FBN2: variants seen among roughly 807,000 people sequenced by gnomAD.
FBN2 encodes fibrillin-2.
In FBN2, 105 loss-of-function variants were observed where a neutral mutation model predicts 355.6. That is an observed-to-expected ratio of 0.30 (90% CI 0.25 to 0.35). The LOEUF (loss-of-function observed/expected upper bound fraction) is 0.35. FBN2 is among the 10% of genes least tolerant of loss of function. The pLI, the probability that FBN2 is intolerant of heterozygous loss-of-function variation, is 1.00. For synonymous variants in FBN2, 1,350 were observed against 1,301.2 expected, an observed-to-expected ratio of 1.04 and a Z score of -0.81; for missense variants, 3,280 against 3,758.7, an observed-to-expected ratio of 0.87 and a Z score of 3.33.
rs191986341 is a variant in FBN2, at chr5:128,416,895, T to A, written c.953-8096A>T. Among the ~76,000 whole-genome samples the A allele has an allele frequency of 4.6e-5, 7 of 152,282 alleles. No individual in the cohort carries two copies. In the East Asian group the frequency reaches 1.3e-3, roughly 29 times the overall value. ...TTTTCTAATTCTGTGAAAAATGACA[T>A]TCATATTTTGATAGGGATTGCACTG... On this transcript the variant is annotated intron_variant, in intron 7 of 64. Transcript: ENST00000262464.
At chr5:128,432,091 T>C (rs1482833735) in intron 7 of FBN2, among the ~76,000 whole-genome samples, 3 of 152,204 alleles carry the variant, frequency 2.0e-5, no homozygotes, top group African/African-American at 7.2e-5. Context: ...TCCATACCTA[T>C]TGAAATACCC....
At chr5:128,321,415 G>A (rs145493726) in intron 34 of FBN2, among the ~76,000 whole-genome samples, 3,433 of 152,124 alleles carry the variant, frequency 0.023, 131 homozygotes, top group African/African-American at 0.078. Flanking sequence ...ATCTACATTA[G>A]GTATTTCTCC....
intron 50 of FBN2, 57 bp downstream of exon 50, chr5:128,290,675 G>T: frequency 1.3e-6 from 2 of 1,545,770 alleles, no homozygotes; most frequent in Non-Finnish European, 1.8e-6. Flanking sequence ...AACCCACTCT[G>T]GCAAACATTC....
rs1754671464 is a variant in FBN2 at position 128,465,029 on chromosome 5, C to A, written c.629-108G>T. 38 of 1,077,064 alleles carry A rather than the reference C, an allele frequency of 3.5e-5. 1 individual carries two copies. In the South Asian group the frequency reaches 4.9e-4, roughly 14 times the overall value. 66.7% of individuals were successfully genotyped at this position (1,077,064 alleles called of 1,614,324 possible). On this transcript the variant is annotated intron_variant, in intron 5 of 64. Coordinates refer to ENST00000262464, the MANE Select transcript of FBN2 (RefSeq NM_001999.4). ...AGACTATTTCTTCTGACCAAAGTGT[C>A]CAAAGACAGAAGGCTAGAGAGTTTC...
chr5:128,500,427 A>ATTTTTT (rs1312943529), intron 5 of FBN2, among the ~76,000 whole-genome samples: 18 of 107,508 alleles, frequency 1.7e-4, no homozygotes, highest in Admixed American at 4.7e-4. Flanking sequence ...GACTCTGACA[A>ATTTTTT]TTCTTTTTTT....
rs751545674 is a variant in FBN2, at chr5:128,393,287, C to T, written c.1313G>A (p.Gly438Glu). ...GCCACTTGGGGCAAAGCCATTTCCC[C>T]CAGTGCCTCCAGGTCTGGAACCAGC... is the stretch of plus-strand genomic sequence containing the variant. ...GSAGSRPGGTGGNGFAPSGNG... is the reference protein window; with the variant it reads ...GSAGSRPGGTEGNGFAPSGNG... The change falls in exon 10 of 65, where the codon GGG (glycine) becomes GAG (glutamate). Residue 438 changes from glycine to glutamate, a missense_variant. Gly to Glu is a moderately conservative substitution (Grantham distance 98, BLOSUM62 -2). Around this residue, in one of 6 missense-constraint regions of FBN2, gnomAD observed 343 missense variants for 331.0 expected, o/e 1.04. Transcript: ENST00000262464. 1.1e-5 allele frequency: 17 copies of T among 1,614,100 alleles called. No homozygotes were observed. The Admixed American group carries it at 2.2e-4, about 21-fold the overall frequency.
intron 7 of FBN2, among the ~76,000 whole-genome samples, chr5:128,417,394 A>G (rs137876291): frequency 5.3e-5 from 8 of 152,280 alleles, no homozygotes; most frequent in African/African-American, 1.4e-4. Flanking sequence ...AGTCTGTTCA[A>G]TATAAGTGGT....
At chr5:128,271,568 A>C (rs1228268868) in intron 62 of FBN2, among the ~76,000 whole-genome samples, 1 of 152,144 alleles carries the variant, frequency 6.6e-6, no homozygotes, top group East Asian at 1.9e-4. Flanking sequence ...TATTAAATCT[A>C]TGTGACAGGA....
intron 2 of FBN2, among the ~76,000 whole-genome samples, chr5:128,536,201 G>C (rs1388008828): frequency 6.6e-6 from 1 of 152,194 alleles, no homozygotes; most frequent in African/African-American, 2.4e-5. Context: ...CCCTTCAACA[G>C]AGTCTAGAAG....
At chr5:128,389,492 A>T (rs1752454454) in intron 11 of FBN2, among the ~76,000 whole-genome samples, 1 of 152,188 alleles carries the variant, frequency 6.6e-6, no homozygotes, top group Admixed American at 6.5e-5. Context: ...GATGGGGGAC[A>T]CTCAGATCAG....
chr5:128,270,234 A>T (rs1481593829), intron 62 of FBN2, among the ~76,000 whole-genome samples: 2 of 152,128 alleles, frequency 1.3e-5, no homozygotes. Context: ...ACCATAAAAA[A>T]CCCTAGAAGA....
rs1156295543 is a variant in FBN2 at position 128,472,452 on chromosome 5, T to C, written c.629-7531A>G. ...GACTTCTGTGGATGGATGAGGGCAA[T>C]GGGTGCACAAGAATGTGAATGTACT... On this transcript the variant is annotated intron_variant, in intron 5 of 64. Coordinates refer to ENST00000262464, the MANE Select transcript of FBN2 (RefSeq NM_001999.4). Among the ~76,000 whole-genome samples the C allele has an allele frequency of 2.0e-5, 3 of 152,196 alleles. No homozygotes were observed. In the East Asian group the frequency reaches 5.8e-4, roughly 29 times the overall value.
At chr5:128,411,366 T>C (rs541715680) in intron 7 of FBN2, among the ~76,000 whole-genome samples, 2 of 152,290 alleles carry the variant, frequency 1.3e-5, no homozygotes, top group East Asian at 1.9e-4. Flanking sequence ...GTCACGTGAA[T>C]GAATTGAAGG....
intron 45 of FBN2, among the ~76,000 whole-genome samples, chr5:128,303,666 T>A (rs1749781993): frequency 6.6e-6 from 1 of 152,168 alleles, no homozygotes; most frequent in African/African-American, 2.4e-5. Flanking sequence ...TCCAGGCTGC[T>A]GAAACTCTAC....
chr5:128,305,681 G>A (rs1365151011), intron 43 of FBN2, 45 bp from the exon 44 acceptor site: 2 of 1,608,522 alleles, frequency 1.2e-6, no homozygotes, highest in Middle Eastern at 1.6e-4. Context: ...TTTTAGTATT[G>A]TATTAGCATT....
chr5:128,351,469 C>T (rs1434765599), intron 20 of FBN2, among the ~76,000 whole-genome samples: 1 of 151,672 alleles, frequency 6.6e-6, no homozygotes, highest in Non-Finnish European at 1.5e-5. Context: ...ATCGCTTGAA[C>T]GCAGGAGGCA....
At chr5:128,325,841 G>T (rs1460210291) in intron 34 of FBN2, among the ~76,000 whole-genome samples, 1 of 151,748 alleles carries the variant, frequency 6.6e-6, no homozygotes, top group Non-Finnish European at 1.5e-5. Flanking sequence ...GTTTTTTGCT[G>T]TTTTTATTTA....
intron 6 of FBN2, among the ~76,000 whole-genome samples, chr5:128,447,973 C>T (rs1384300812): frequency 6.6e-6 from 1 of 152,202 alleles, no homozygotes. Flanking sequence ...GGCTGCAGAA[C>T]ACTTAATGTG....
At chr5:128,332,077 T>G in intron 32 of FBN2, among the ~76,000 whole-genome samples, 1 of 152,328 alleles carries the variant, frequency 6.6e-6, no homozygotes, top group Admixed American at 6.5e-5. Context: ...GTACATAAAC[T>G]TTTGATAAGT....
Sources: gnomAD v4.1 joint callset for allele counts (sites outside exome capture counted in the v4.1 genomes callset) on GRCh38, gnomAD v4.1.1 for gene constraint, gnomAD v4.1.1 regional missense constraint, MANE v1.5 for transcripts, NCBI Gene and HGNC (gene_info 2026-07-23, HGNC 2026-07-21) for gene names.